DLC1: variants seen among roughly 807,000 people sequenced by gnomAD.
DLC1 encodes the protein rho GTPase-activating protein 7.
DLC1 carries 54 observed loss-of-function variants against 140.3 expected under a neutral mutation model. The ratio of observed to expected loss-of-function variants is 0.38; its 90% confidence interval spans 0.31 to 0.48. The LOEUF is 0.48. Among genes scored for constraint, DLC1 ranks in the 20% least tolerant of loss-of-function variants. The pLI is 0.96. For missense variants in DLC1, 2,536 were observed against 1,907.0 expected (o/e 1.33, Z -6.14); for synonymous variants, 986 against 728.1 (o/e 1.35, Z -5.70).
At chr8:13,404,962 G>A (rs930240164) in intron 2 of DLC1, among the ~76,000 whole-genome samples, 10 of 152,022 alleles carry the variant, frequency 6.6e-5, no homozygotes, top group African/African-American at 1.7e-4. Context: ...AGCCAAGATC[G>A]TGCCATTGTA....
chr8:13,538,968 G>A (rs1425816233), intron 1 of DLC1, among the ~76,000 whole-genome samples: 1 of 151,896 alleles, frequency 6.6e-6, no homozygotes, highest in East Asian at 1.9e-4. Context: ...CTTAAAATAC[G>A]TGGCAGATTA....
intron 2 of DLC1, among the ~76,000 whole-genome samples, chr8:13,420,151 T>C (rs1838251809): frequency 6.6e-6 from 1 of 152,142 alleles, no homozygotes; most frequent in East Asian, 1.9e-4. Flanking sequence ...TTGTTAATCC[T>C]TTCAAAAAAC....
chr8:13,328,838 C>G (rs73562588), intron 4 of DLC1, among the ~76,000 whole-genome samples: 1,568 of 152,152 alleles, frequency 0.01, 28 homozygotes, highest in African/African-American at 0.036. Flanking sequence ...CAGACTCTTC[C>G]AAAATGAGCT....
intron 5 of DLC1, among the ~76,000 whole-genome samples, chr8:13,263,935 C>T (rs1563207890): frequency 6.6e-6 from 1 of 151,732 alleles, no homozygotes; most frequent in East Asian, 1.9e-4. Context: ...CAATAATATT[C>T]ATAACAGCAA....
At chr8:13,196,573 C>G (rs947482050) in intron 5 of DLC1, among the ~76,000 whole-genome samples, 1 of 152,126 alleles carries the variant, frequency 6.6e-6, no homozygotes, top group African/African-American at 2.4e-5. Flanking sequence ...TTCTGTGGTT[C>G]TATGATTCTT....
intron 5 of DLC1, among the ~76,000 whole-genome samples, chr8:13,189,791 A>C (rs1013288806): frequency 1.3e-5 from 2 of 152,084 alleles, no homozygotes; most frequent in African/African-American, 4.8e-5. Context: ...CTGAGGCAGG[A>C]GAATCGCTTG....
chr8:13,546,398 T>C (rs1043489922), intron 1 of DLC1, among the ~76,000 whole-genome samples: 1 of 152,142 alleles, frequency 6.6e-6, no homozygotes, highest in Non-Finnish European at 1.5e-5. Context: ...TTTAGAACCC[T>C]TTAAAAAGCC....
intron 12 of DLC1, among the ~76,000 whole-genome samples, chr8:13,093,820 G>A (rs1181166651): frequency 6.6e-6 from 1 of 152,180 alleles, no homozygotes; most frequent in East Asian, 1.9e-4. Flanking sequence ...AAGAGAGGCT[G>A]CTTTTAAATT....
rs185606467 is a variant in DLC1, at chr8:13,574,575, G to A, written c.-126+29962C>T. ...CACTAAAAATGTGTCTAGCCACTTA[G>A]TACATAATTATACAAATGTATAATT... is the stretch of plus-strand genomic sequence containing the variant. On this transcript the variant is annotated intron_variant, in intron 1 of 1. Coordinates refer to the DLC1 transcript ENST00000631382. Among the ~76,000 whole-genome samples the A allele has an allele frequency of 3.8e-4, 58 of 152,060 alleles. No individual in the cohort carries two copies. The East Asian group carries it at 4.2e-3, about 11-fold the overall frequency.
chr8:13,232,789 C>T (rs555122369), intron 5 of DLC1, among the ~76,000 whole-genome samples: 3 of 152,312 alleles, frequency 2.0e-5, no homozygotes, highest in Admixed American at 6.5e-5. Flanking sequence ...CAAATCATTT[C>T]ATCCATGAAA....
Position 13,090,438 on chromosome 8 carries a change from G to A in DLC1, c.3888C>T (p.Ser1296=). Residue 1296 remains serine, a synonymous_variant, in exon 15 of 18, where the codon TCC becomes TCT. Transcript: ENST00000276297. ...GGGGCTTCAGCTCTTGTTCGGTATA[G>A]GAATTACGACATCGGCTCATTTCCT... ...VPEEMSRCRN[S]YTEQELKPLT... is the part of the protein sequence containing the mutation. The A allele has an allele frequency of 1.9e-6, 3 of 1,614,174 alleles. No individual in the cohort carries two copies. Among genetic ancestry groups the A allele is most frequent in the Non-Finnish European group, 2.5e-6 (3 of 1,180,048 alleles).
intron 2 of DLC1, among the ~76,000 whole-genome samples, chr8:13,480,729 C>A (rs116772829): frequency 0.022 from 3,353 of 152,160 alleles, 119 homozygotes; most frequent in African/African-American, 0.074. Flanking sequence ...CAGGGTGAAA[C>A]CCAATTTCTA....
intron 5 of DLC1, among the ~76,000 whole-genome samples, chr8:13,189,729 A>T (rs1490726970): frequency 6.6e-6 from 1 of 151,982 alleles, no homozygotes; most frequent in Admixed American, 6.6e-5. Flanking sequence ...CTAAAAATAC[A>T]AAATTAGCCA....
chr8:13,354,806 G>C (rs911538306), intron 4 of DLC1, among the ~76,000 whole-genome samples: 1 of 150,558 alleles, frequency 6.6e-6, no homozygotes, highest in African/African-American at 2.4e-5. Context: ...AAAATTAGCT[G>C]GGCATGGTGG....
Position 13,105,179 on chromosome 8 carries a change from C to A in DLC1, c.1503-2326G>T, listed in dbSNP as rs557935342. 2.6e-5 allele frequency among the ~76,000 whole-genome samples: 4 copies of A among 152,232 alleles called. No individual in the cohort carries two copies. In the South Asian group the frequency reaches 8.3e-4, roughly 32 times the overall value. On this transcript the variant is annotated intron_variant, in intron 7 of 17. Transcript: ENST00000276297. ...AGTCAAACTAAAAAGACCCAGGAGG[C>A]CAGTTCTATAAAGGTCAACATTACC...
In DLC1 at chr8:13,095,153, G is replaced by A; in HGVS notation, c.3260C>T (p.Thr1087Ile). 2 of 1,614,272 alleles carry A rather than the reference G, an allele frequency of 1.2e-6. No individual in the cohort carries two copies. Among genetic ancestry groups the A allele is most frequent in the South Asian group, 1.1e-5 (1 of 91,088 alleles). ...GVPLTVNVQRTGQPLPQSIQQ... is the reference protein window; with the variant it reads ...GVPLTVNVQRIGQPLPQSIQQ... Reference sequence around the variant, plus strand: ...GATGCTCTGAGGCAACGGTTGTCCTGTGCGCTGCACGTTGACCGTCAGTGG... The same window carrying A: ...GATGCTCTGAGGCAACGGTTGTCCTATGCGCTGCACGTTGACCGTCAGTGG... Residue 1087 changes from threonine (T) to isoleucine (I), a missense_variant, in exon 11 of 18, where the codon ACA becomes ATA. Coordinates refer to ENST00000276297, the MANE Select transcript of DLC1 (RefSeq NM_182643.3).
At chr8:13,362,339 T>A (rs1835266565) in intron 4 of DLC1, among the ~76,000 whole-genome samples, 1 of 152,176 alleles carries the variant, frequency 6.6e-6, no homozygotes, top group Admixed American at 6.5e-5. Context: ...TGGAAAAATT[T>A]CTTTGACATC....
chr8:13,569,833 C>G (rs1184790012), intron 1 of DLC1, among the ~76,000 whole-genome samples: 2 of 152,196 alleles, frequency 1.3e-5, no homozygotes, highest in Non-Finnish European at 2.9e-5. Context: ...GTGATCCTCT[C>G]ACCTCAGCCT....
At chr8:13,319,819 C>CCTTTTTTT (rs1833017279) in intron 4 of DLC1, among the ~76,000 whole-genome samples, 1 of 76,150 alleles carries the variant, frequency 1.3e-5, no homozygotes, top group South Asian at 5.4e-4. Context: ...TTCTCTCTCT[C>CCTTTTTTT]TCTTTTTTTT....
Sources: gnomAD v4.1 joint callset for allele counts (sites outside exome capture counted in the v4.1 genomes callset) on GRCh38, gnomAD v4.1.1 for gene constraint, MANE v1.5 for transcripts, NCBI Gene and HGNC (gene_info 2026-07-23, HGNC 2026-07-21) for gene names.